The following PRR16 variants were observed in gnomAD, a reference collection of about 807,000 sequenced individuals.
PRR16 encodes the protein protein Largen.
A neutral mutation model predicts 18.2 loss-of-function variants in PRR16; 6 were observed. That is an observed-to-expected ratio of 0.33 (90% CI 0.18 to 0.65). The LOEUF is 0.65. PRR16 is among the 30% of genes least tolerant of loss of function. PRR16 has a pLI of 0.74. For missense variants in PRR16, 412 were observed against 376.6 expected (o/e 1.09, Z -0.78); for synonymous variants, 151 against 147.8 (o/e 1.02, Z -0.16).
At chr5:120,627,113 C>T (rs554849404) in intron 1 of PRR16, among the ~76,000 whole-genome samples, 9 of 152,160 alleles carry the variant, frequency 5.9e-5, no homozygotes, top group East Asian at 5.8e-4. Flanking sequence ...TTTTGATTTT[C>T]GCTAAATTGT....
chr5:120,584,834 ATATGT>A (rs1178874126), intron 1 of PRR16, among the ~76,000 whole-genome samples: 1 of 152,118 alleles, frequency 6.6e-6, no homozygotes, highest in East Asian at 1.9e-4. Flanking sequence ...TGCTACTTTC[ATATGT>A]TATCTTATTT....
chr5:120,466,503 T>G (rs1749111848), intron 1 of PRR16, among the ~76,000 whole-genome samples: 2 of 152,230 alleles, frequency 1.3e-5, no homozygotes, highest in Admixed American at 1.3e-4. Context: ...CCACTCACTT[T>G]TTTTGCACAG....
rs267600323 is a variant in PRR16, at chr5:120,686,025, G to A, written c.231G>A (p.Thr77=). 1.4e-5 allele frequency: 23 copies of A among 1,613,928 alleles called. No individual in the cohort carries two copies. Among genetic ancestry groups the A allele is most frequent in the Middle Eastern group, 1.6e-4 (1 of 6,082 alleles). The change falls in exon 2 of 2, where the codon ACG becomes ACA. Residue 77 remains threonine (T), a synonymous_variant. Coordinates refer to ENST00000407149, the MANE Select transcript of PRR16 (RefSeq NM_001300783.2). ...LEDEMTDSSK[T]DTLNSSSSGT... ...ATGAGATGACTGACAGCTCCAAAAC[G>A]GACACGCTGAATAGTAGCTCAAGTG...
intron 1 of PRR16, among the ~76,000 whole-genome samples, chr5:120,610,641 C>G (rs905532212): frequency 6.6e-6 from 1 of 152,124 alleles, no homozygotes; most frequent in Non-Finnish European, 1.5e-5. Context: ...CTCATTTTCT[C>G]TTGCCACTGC....
Position 120,596,752 on chromosome 5 carries a change from A to G in PRR16, c.160-89202A>G, listed in dbSNP as rs182561493. The stretch of plus-strand genomic sequence containing the variant: ...TAACCAAATCCTCAATTTCATATTT[A>G]TTATTATAATGCATTTTTTCTGTAT... On this transcript the variant is annotated intron_variant, in intron 1 of 1. Coordinates refer to ENST00000407149, the MANE Select transcript of PRR16 (RefSeq NM_001300783.2). Among the ~76,000 whole-genome samples, 420 of 151,646 alleles carry G rather than the reference A, an allele frequency of 2.8e-3. 2 individuals carry two copies. The highest frequency in any genetic ancestry group is 9.5e-3 in the African/African-American group (394 of 41,434).
At chr5:120,617,320 G>A in intron 1 of PRR16, 1 of 293,844 alleles carries the variant, frequency 3.4e-6, no homozygotes, top group Non-Finnish European at 5.1e-6. Context: ...TAACAATCAG[G>A]TCTCTTTGAA....
At chr5:120,791,786 G>T in the PRR16 span, among the ~76,000 whole-genome samples, 2 of 152,014 alleles carry the variant, frequency 1.3e-5, no homozygotes, top group African/African-American at 2.4e-5. Flanking sequence ...TAGGTCATTA[G>T]GCTTATTCCC....
the PRR16 span, among the ~76,000 whole-genome samples, chr5:120,707,857 C>G: frequency 6.6e-6 from 1 of 152,142 alleles, no homozygotes; most frequent in East Asian, 1.9e-4. Context: ...AGGGGCAATT[C>G]TCTTGCATAT....
chr5:120,695,770 C>G, the PRR16 span, among the ~76,000 whole-genome samples: 2 of 152,234 alleles, frequency 1.3e-5, no homozygotes, highest in South Asian at 2.1e-4. Context: ...GCTGAGTAGT[C>G]TAATTACTGT....
chr5:120,552,138 A>C (rs149419847), intron 1 of PRR16, among the ~76,000 whole-genome samples: 428 of 152,070 alleles, frequency 2.8e-3, no homozygotes, highest in African/African-American at 9.7e-3. Flanking sequence ...CATTTTCAGA[A>C]GATCATGTGA....
chr5:120,770,370 A>T, the PRR16 span, among the ~76,000 whole-genome samples: 1 of 151,988 alleles, frequency 6.6e-6, no homozygotes, highest in East Asian at 1.9e-4. Flanking sequence ...GGGTATCCAC[A>T]TATAGAAGAA....
chr5:120,662,931 C>T (rs1215131997), intron 1 of PRR16, among the ~76,000 whole-genome samples: 1 of 152,108 alleles, frequency 6.6e-6, no homozygotes, highest in Non-Finnish European at 1.5e-5. Context: ...CCAGTTCATT[C>T]CACCACCACA....
At chr5:120,714,669 A>G in the PRR16 span, among the ~76,000 whole-genome samples, 2 of 152,136 alleles carry the variant, frequency 1.3e-5, no homozygotes, top group East Asian at 1.9e-4. Context: ...AAATCATTCT[A>G]CTATAAAGAC....
chr5:120,770,926 A>ACTCT, the PRR16 span, among the ~76,000 whole-genome samples: 4,602 of 131,208 alleles, frequency 0.035, 110 homozygotes, highest in East Asian at 0.12. Context: ...TCATTGGAAC[A>ACTCT]CTCTCTCTCT....
chr5:120,763,440 A>C, the PRR16 span, among the ~76,000 whole-genome samples: 1 of 152,004 alleles, frequency 6.6e-6, no homozygotes, highest in South Asian at 2.1e-4. Flanking sequence ...GGCCTGCAAT[A>C]ATGTTTTTAT....
the PRR16 span, among the ~76,000 whole-genome samples, chr5:120,780,882 G>C: frequency 1.3e-5 from 2 of 151,872 alleles, no homozygotes; most frequent in Non-Finnish European, 2.9e-5. Context: ...AAACCCCATC[G>C]CTACTAAAAA....
the PRR16 span, among the ~76,000 whole-genome samples, chr5:120,716,745 G>A: frequency 1.9e-4 from 29 of 152,196 alleles, no homozygotes; most frequent in Non-Finnish European, 3.7e-4. Flanking sequence ...GGTGGCGGGC[G>A]CTTATAATCC....
At chr5:120,676,520 A>ATGTGTGTGTG (rs200837100) in intron 1 of PRR16, among the ~76,000 whole-genome samples, 22 of 123,576 alleles carry the variant, frequency 1.8e-4, no homozygotes, top group South Asian at 7.5e-4. Flanking sequence ...ATATATATAT[A>ATGTGTGTGTG]TATGTGTGTG....
intron 1 of PRR16, among the ~76,000 whole-genome samples, chr5:120,485,517 T>C (rs940373178): frequency 3.3e-5 from 5 of 152,222 alleles, no homozygotes; most frequent in African/African-American, 1.2e-4. Flanking sequence ...TTGCAATGTA[T>C]TTGCTGAAGT....
Sources: gnomAD v4.1 joint callset for allele counts (sites outside exome capture counted in the v4.1 genomes callset) on GRCh38, gnomAD v4.1.1 for gene constraint, MANE v1.5 for transcripts, NCBI Gene and HGNC (gene_info 2026-07-23, HGNC 2026-07-21) for gene names.